Variants in NBEA observed in about 807,000 individuals in gnomAD.
NBEA encodes the protein lysosomal-trafficking regulator 2.
A neutral mutation model predicts 343.4 loss-of-function variants in NBEA; 44 were observed. That is an observed-to-expected ratio of 0.13 (90% CI 0.10 to 0.16). The LOEUF is 0.16. Among genes scored for constraint, NBEA ranks in the 10% least tolerant of loss-of-function variants. NBEA has a pLI of 1.00. For synonymous variants in NBEA, 1,175 were observed against 1,238.7 expected, an observed-to-expected ratio of 0.95 and a Z score of 1.08; for missense variants, 2,555 against 3,631.3, an observed-to-expected ratio of 0.70 and a Z score of 7.62.
At chr13:35,523,277 G>C (rs2152993842) in intron 41 of NBEA, among the ~76,000 whole-genome samples, 1 of 152,188 alleles carries the variant, frequency 6.6e-6, no homozygotes, top group Non-Finnish European at 1.5e-5. Flanking sequence ...CAAGAATTTA[G>C]GTATGTTGCC....
chr13:35,089,094 A>C (rs1335968103), intron 10 of NBEA, among the ~76,000 whole-genome samples: 2 of 90,950 alleles, frequency 2.2e-5, no homozygotes, highest in East Asian at 5.9e-4. Flanking sequence ...CTGCACAGCA[A>C]AAGAAACTAC....
intron 48 of NBEA, among the ~76,000 whole-genome samples, chr13:35,606,883 A>C (rs2082302191): frequency 6.6e-6 from 1 of 152,190 alleles, no homozygotes; most frequent in African/African-American, 2.4e-5. Flanking sequence ...AAGTGCTTAA[A>C]ATAAATGCCT....
chr13:35,421,863 T>A (rs1446748186), intron 38 of NBEA, among the ~76,000 whole-genome samples: 1 of 152,150 alleles, frequency 6.6e-6, no homozygotes, highest in African/African-American at 2.4e-5. Context: ...TCATTGTTTC[T>A]GATGTAAAAT....
intron 1 of NBEA, among the ~76,000 whole-genome samples, chr13:34,962,945 G>T (rs1023301831): frequency 2.0e-5 from 3 of 151,996 alleles, no homozygotes; most frequent in Non-Finnish European, 2.9e-5. Context: ...CCAGAATGCT[G>T]GTGCTTGATA....
intron 1 of NBEA, among the ~76,000 whole-genome samples, chr13:35,006,787 G>A (rs2061332676): frequency 6.6e-6 from 1 of 152,060 alleles, no homozygotes; most frequent in South Asian, 2.1e-4. Context: ...TCACTCTGTT[G>A]CCCAGGCCAG....
At chr13:35,668,277 T>C (rs2085449757) in intron 57 of NBEA, 91 bp from the exon 58 acceptor site, 1 of 1,298,300 alleles carries the variant, frequency 7.7e-7, no homozygotes, top group Non-Finnish European at 1.1e-6. Flanking sequence ...GTAGTGACAG[T>C]TGGCTATTTA....
At position 35,550,591 on chromosome 13, in the gene NBEA, C is replaced by A. The variant is rs938692652; in HGVS notation, c.6700C>A (p.Arg2234=). The A allele has an allele frequency of 5.7e-6, 9 of 1,576,288 alleles. No homozygotes were observed. In the Admixed American group the frequency reaches 1.2e-4, roughly 21 times the overall value. The change falls in exon 42 of 59, where the codon CGA becomes AGA. Residue 2234 remains arginine (R), a synonymous_variant. Coordinates refer to ENST00000379939, the MANE Select transcript of NBEA (RefSeq NM_001385012.1). ...NTALEVFMAN[R]TSVMFNFPDQ... ...TGCTTTGGAAGTATTTATGGCAAAC[C>A]GAAGTAAGTCCCCTTAATATTTTGA...
Position 35,183,961 on chromosome 13 carries a change from T to C in NBEA, c.4832-15T>C. On this transcript the variant is annotated splice_polypyrimidine_tract_variant and intron_variant, in intron 29 of 58. Coordinates refer to ENST00000379939, the MANE Select transcript of NBEA (RefSeq NM_001385012.1). ...ACATGCTGGCTCAAATTTGATTCCA[T>C]GATTTTCTCCACAGTTGTGGTCATA... is the stretch of plus-strand genomic sequence containing the variant. 1.3e-6 allele frequency: 2 copies of C among 1,596,566 alleles called. No individual in the cohort carries two copies. Among genetic ancestry groups the C allele is most frequent in the Admixed American group, 1.7e-5 (1 of 58,762 alleles).
chr13:35,405,875 C>T (rs1416450534), intron 38 of NBEA, among the ~76,000 whole-genome samples: 1 of 152,110 alleles, frequency 6.6e-6, no homozygotes, highest in Non-Finnish European at 1.5e-5. Flanking sequence ...TTAGCTATTT[C>T]ACAAGTAATT....
intron 41 of NBEA, among the ~76,000 whole-genome samples, chr13:35,488,710 C>T (rs2152971997): frequency 6.6e-6 from 1 of 151,960 alleles, no homozygotes; most frequent in Middle Eastern, 3.4e-3. Context: ...TTTTTAATAA[C>T]TTGAAGCCAA....
intron 1 of NBEA, among the ~76,000 whole-genome samples, chr13:35,021,640 T>G (rs1823278641): frequency 2.0e-5 from 3 of 152,166 alleles, no homozygotes; most frequent in African/African-American, 7.2e-5. Flanking sequence ...TTTTACATGT[T>G]TAATGGTTTT....
chr13:35,184,229 G>C (rs1423571338), intron 30 of NBEA, among the ~76,000 whole-genome samples, 158 bp downstream of exon 30: 1 of 152,030 alleles, frequency 6.6e-6, no homozygotes, highest in Non-Finnish European at 1.5e-5. Flanking sequence ...TGAGAGCGAA[G>C]TATAGCTTTT....
intron 33 of NBEA, among the ~76,000 whole-genome samples, chr13:35,223,057 G>A (rs867450767): frequency 9.2e-5 from 14 of 152,122 alleles, no homozygotes; most frequent in East Asian, 1.9e-4. Context: ...CTTAGAACCC[G>A]GGAGGCAGAG....
At chr13:35,654,827 T>A (rs1281618540) in intron 53 of NBEA, 28 bp from the exon 54 acceptor site, 1 of 1,549,770 alleles carries the variant, frequency 6.5e-7, no homozygotes, top group Non-Finnish European at 8.6e-7. Flanking sequence ...GAATCTTTCT[T>A]CAAATGCTTT....
intron 47 of NBEA, among the ~76,000 whole-genome samples, chr13:35,601,137 A>G (rs1487893465): frequency 6.6e-6 from 1 of 151,610 alleles, no homozygotes; most frequent in African/African-American, 2.4e-5. Flanking sequence ...AGATGGCACC[A>G]TTGCACTCCA....
At chr13:35,541,039 T>C (rs1332985436) in intron 41 of NBEA, among the ~76,000 whole-genome samples, 2 of 152,160 alleles carry the variant, frequency 1.3e-5, no homozygotes, top group Non-Finnish European at 2.9e-5. Context: ...AGCTCTCCAT[T>C]ATTCTCAGAC....
chr13:35,156,249 A>C (rs2069164011), intron 20 of NBEA, 43 bp downstream of exon 20: 1 of 1,465,608 alleles, frequency 6.8e-7, no homozygotes, highest in Non-Finnish European at 9.1e-7. Flanking sequence ...TTCCATAATT[A>C]ATATTTTCTC....
intron 36 of NBEA, among the ~76,000 whole-genome samples, chr13:35,334,964 C>G (rs1214343281): frequency 1.3e-5 from 2 of 152,094 alleles, no homozygotes; most frequent in African/African-American, 4.8e-5. Context: ...CCAGTGTTTT[C>G]TTCTAGTAGT....
intron 35 of NBEA, among the ~76,000 whole-genome samples, chr13:35,304,329 C>CTGTGTG (rs1231385444): frequency 2.1e-5 from 3 of 141,372 alleles, no homozygotes; most frequent in Non-Finnish European, 4.5e-5. Context: ...AAAAGCAATT[C>CTGTGTG]TCTGTGTGTG....
Sources: gnomAD v4.1 joint callset for allele counts (sites outside exome capture counted in the v4.1 genomes callset) on GRCh38, gnomAD v4.1.1 for gene constraint, MANE v1.5 for transcripts, NCBI Gene and HGNC (gene_info 2026-07-23, HGNC 2026-07-21) for gene names.